The following DCAF8L2 variants were observed in gnomAD, a reference collection of about 807,000 sequenced individuals.
DCAF8L2 encodes the protein DDB1- and CUL4-associated factor 8-like protein 2.
For missense variants in DCAF8L2, 430 were observed against 490.7 expected, an observed-to-expected ratio of 0.88 and a Z score of 1.17; for synonymous variants, 200 against 190.9, an observed-to-expected ratio of 1.05 and a Z score of -0.39.
At chrX:27,696,370 T>C (rs930475439) in intron 3 of DCAF8L2, among the ~76,000 whole-genome samples, 14 of 110,097 alleles carry the variant, frequency 1.3e-4, no homozygotes, top group African/African-American at 4.3e-4. Context: ...ATGGAAGGCA[T>C]TGGATGGCAT....
At chrX:27,669,844 A>C (rs986590716) in intron 2 of DCAF8L2, among the ~76,000 whole-genome samples, 1 of 111,614 alleles carries the variant, frequency 9.0e-6, no homozygotes, top group Non-Finnish European at 1.9e-5. Flanking sequence ...TGGTGTATAC[A>C]TGCCACATTT....
intron 1 of DCAF8L2, among the ~76,000 whole-genome samples, chrX:27,618,293 A>G (rs940386081): frequency 9.0e-6 from 1 of 111,653 alleles, no homozygotes; most frequent in Non-Finnish European, 1.9e-5. Flanking sequence ...ATAATTAGAC[A>G]ACATAACACA....
intron 3 of DCAF8L2, among the ~76,000 whole-genome samples, chrX:27,698,780 A>G (rs1931021316): frequency 8.9e-6 from 1 of 112,202 alleles, no homozygotes; most frequent in Non-Finnish European, 1.9e-5. Context: ...TCAAACTCTC[A>G]AATGTATGAA....
intron 2 of DCAF8L2, among the ~76,000 whole-genome samples, chrX:27,664,241 G>A (rs6630536): frequency 0.15 from 16,540 of 110,678 alleles, 1,511 homozygotes; most frequent in East Asian, 0.37. Context: ...TCTAGTCAAC[G>A]TATCAATGAT....
chrX:27,699,054 A>G (rs1398396948), intron 3 of DCAF8L2, among the ~76,000 whole-genome samples: 4 of 112,005 alleles, frequency 3.6e-5, no homozygotes, highest in Non-Finnish European at 7.5e-5. Flanking sequence ...TGGTGATTAT[A>G]TTATAACAAA....
intron 2 of DCAF8L2, among the ~76,000 whole-genome samples, chrX:27,654,948 A>C (rs1929296148): frequency 9.0e-6 from 1 of 111,224 alleles, no homozygotes; most frequent in African/African-American, 3.3e-5. Context: ...ATTGATGAAT[A>C]CGAGAAACTA....
the DCAF8L2 span, among the ~76,000 whole-genome samples, chrX:27,528,792 G>A: frequency 3.6e-5 from 4 of 110,718 alleles, no homozygotes; most frequent in African/African-American, 6.6e-5. Flanking sequence ...TAAACTGAGC[G>A]TCATTCAGTT....
At chrX:27,742,056 A>C (rs908715206) in intron 4 of DCAF8L2, among the ~76,000 whole-genome samples, 1 of 111,980 alleles carries the variant, frequency 8.9e-6, no homozygotes, top group Non-Finnish European at 1.9e-5. Context: ...TTTTCCCCCA[A>C]ATAGGAACTT....
intron 3 of DCAF8L2, among the ~76,000 whole-genome samples, chrX:27,682,266 G>A (rs1930356405): frequency 9.0e-6 from 1 of 111,690 alleles, no homozygotes; most frequent in African/African-American, 3.3e-5. Context: ...TGCCCAGCTG[G>A]TTTTAATTTT....
At chrX:27,507,205 T>C in the DCAF8L2 span, among the ~76,000 whole-genome samples, 1 of 112,107 alleles carries the variant, frequency 8.9e-6, no homozygotes, top group Middle Eastern at 4.6e-3. Context: ...TTCGCTAAAA[T>C]AACAGTTTCA....
the DCAF8L2 span, among the ~76,000 whole-genome samples, chrX:27,544,735 T>C: frequency 8.9e-6 from 1 of 112,027 alleles, no homozygotes; most frequent in Non-Finnish European, 1.9e-5. Context: ...AGAAGATTAT[T>C]AACTCAAAAC....
intron 1 of DCAF8L2, among the ~76,000 whole-genome samples, chrX:27,620,864 G>A (rs1927724379): frequency 8.9e-6 from 1 of 112,087 alleles, no homozygotes; most frequent in African/African-American, 3.2e-5. Context: ...AGCTATTTAT[G>A]TACTCATGCT....
At chrX:27,593,174 C>G (rs746394358) in intron 1 of DCAF8L2, among the ~76,000 whole-genome samples, 1 of 111,629 alleles carries the variant, frequency 9.0e-6, no homozygotes, top group South Asian at 3.8e-4. Context: ...CACCACCATC[C>G]ACCTCCAGAA....
chrX:27,601,983 ATAACACTT>A (rs1413703779), intron 1 of DCAF8L2, among the ~76,000 whole-genome samples: 1 of 111,909 alleles, frequency 8.9e-6, no homozygotes, highest in Admixed American at 9.5e-5. Flanking sequence ...TCACTTTCAA[ATAACACTT>A]ACGGATTCCT....
At chrX:27,483,270 G>A in the DCAF8L2 span, among the ~76,000 whole-genome samples, 12 of 111,148 alleles carry the variant, frequency 1.1e-4, no homozygotes, top group East Asian at 2.8e-4. Context: ...AGATAATAAC[G>A]TCCTGTTACA....
chrX:27,706,443 A>G (rs1206514751), intron 3 of DCAF8L2, among the ~76,000 whole-genome samples: 1 of 111,294 alleles, frequency 9.0e-6, no homozygotes, highest in Non-Finnish European at 1.9e-5. Context: ...CTTCCTCTAA[A>G]GAAAGACCAA....
chrX:27,530,126 A>C, the DCAF8L2 span, among the ~76,000 whole-genome samples: 2 of 111,563 alleles, frequency 1.8e-5, no homozygotes, highest in Non-Finnish European at 3.8e-5. Flanking sequence ...CTGGATAAAG[A>C]GAACATATTC....
At chrX:27,709,568 C>T (rs780638382) in intron 3 of DCAF8L2, among the ~76,000 whole-genome samples, 8 of 112,094 alleles carry the variant, frequency 7.1e-5, no homozygotes, top group Non-Finnish European at 1.3e-4. Context: ...CTCTTAAATG[C>T]TTATGTGATT....
intron 4 of DCAF8L2, among the ~76,000 whole-genome samples, chrX:27,735,146 A>T (rs907769474): frequency 2.7e-5 from 3 of 111,946 alleles, no homozygotes; most frequent in Admixed American, 9.5e-5. Flanking sequence ...ATGAAATTAC[A>T]ATTATTTTCT....
Sources: gnomAD v4.1 joint callset for allele counts (sites outside exome capture counted in the v4.1 genomes callset) on GRCh38, gnomAD v4.1.1 for gene constraint, MANE v1.5 for transcripts, NCBI Gene and HGNC (gene_info 2026-07-23, HGNC 2026-07-21) for gene names.